The following NRXN1 variants were observed in gnomAD, a reference collection of about 807,000 sequenced individuals.
NRXN1 encodes the protein neurexin-1.
In NRXN1, 39 loss-of-function variants were observed where a neutral mutation model predicts 150.9. That is an observed-to-expected ratio of 0.26 (90% CI 0.20 to 0.34). NRXN1 has a LOEUF of 0.34. Among genes scored for constraint, NRXN1 ranks in the 10% least tolerant of loss-of-function variants. The probability of loss-of-function intolerance (pLI) is 1.00; values close to 1 mark genes in which losing one functional copy is unlikely to be tolerated. For synonymous variants in NRXN1, 924 were observed against 757.0 expected (o/e 1.22, Z -3.62); for missense variants, 1,815 against 1,949.9 (o/e 0.93, Z 1.30).
chr2:50,568,129 T>G (rs527344011), intron 8 of NRXN1, among the ~76,000 whole-genome samples: 1 of 152,262 alleles, frequency 6.6e-6, no homozygotes, highest in East Asian at 1.9e-4. Flanking sequence ...AAAGATCAAG[T>G]AATGTAGCCT....
intron 18 of NRXN1, among the ~76,000 whole-genome samples, chr2:50,231,768 G>A (rs1425022229): frequency 6.6e-6 from 1 of 152,004 alleles, no homozygotes; most frequent in African/African-American, 2.4e-5. Context: ...CTGTCAGAGA[G>A]GCATTAAGTA....
intron 17 of NRXN1, among the ~76,000 whole-genome samples, chr2:50,315,562 C>T (rs923229764): frequency 6.6e-6 from 1 of 152,104 alleles, no homozygotes; most frequent in African/African-American, 2.4e-5. Flanking sequence ...TCCCAGCCCA[C>T]ACGGTGATCC....
intron 5 of NRXN1, among the ~76,000 whole-genome samples, chr2:50,673,016 A>G (rs752500320): frequency 2.0e-5 from 3 of 152,062 alleles, no homozygotes; most frequent in Non-Finnish European, 4.4e-5. Context: ...ACTGGTATTT[A>G]TTTAACCTGA....
chr2:50,218,464 T>C (rs895201738), intron 18 of NRXN1, among the ~76,000 whole-genome samples: 1 of 151,546 alleles, frequency 6.6e-6, no homozygotes, highest in African/African-American at 2.4e-5. Context: ...GAGATTTGAA[T>C]GTGTTCTCCT....
chr2:50,236,705 G>T, intron 18 of NRXN1, 84 bp downstream of exon 18: 1 of 1,241,000 alleles, frequency 8.1e-7, no homozygotes, highest in Non-Finnish European at 1.2e-6. Flanking sequence ...GGGGAAGGAA[G>T]CATCCAAGAA....
intron 17 of NRXN1, among the ~76,000 whole-genome samples, chr2:50,393,210 C>T (rs979452695): frequency 6.6e-6 from 1 of 151,822 alleles, no homozygotes; most frequent in African/African-American, 2.4e-5. Flanking sequence ...GGATGTTTTC[C>T]TTCTTTGAAA....
intron 21 of NRXN1, among the ~76,000 whole-genome samples, chr2:50,001,700 T>A (rs1209280870): frequency 6.6e-6 from 1 of 152,106 alleles, no homozygotes; most frequent in Non-Finnish European, 1.5e-5. Context: ...GATTGGCACA[T>A]ACCAACTTCT....
intron 5 of NRXN1, among the ~76,000 whole-genome samples, chr2:50,689,854 T>TTGTGTGTGTGTGTG (rs796892350): frequency 2.2e-5 from 3 of 135,342 alleles, no homozygotes; most frequent in Non-Finnish European, 4.8e-5. Flanking sequence ...TTTTGCTTAT[T>TTGTGTGTGTGTGTG]TGTGTGTGTG....
At chr2:50,950,770 G>T (rs535240272) in intron 2 of NRXN1, among the ~76,000 whole-genome samples, 1 of 152,160 alleles carries the variant, frequency 6.6e-6, no homozygotes, top group African/African-American at 2.4e-5. Context: ...TAAGCGCTAG[G>T]GTCCATGCTA....
At chr2:50,258,261 G>C (rs2067910322) in intron 17 of NRXN1, among the ~76,000 whole-genome samples, 1 of 152,048 alleles carries the variant, frequency 6.6e-6, no homozygotes. Context: ...TTCAAAATTT[G>C]AGTCAATCCT....
At chr2:50,428,828 C>T (rs2084715067) in intron 17 of NRXN1, among the ~76,000 whole-genome samples, 2 of 152,292 alleles carry the variant, frequency 1.3e-5, no homozygotes, top group African/African-American at 2.4e-5. Context: ...AAGGTACTCT[C>T]ATGATTAAAT....
chr2:50,892,490 T>C (rs1053283555), intron 5 of NRXN1, among the ~76,000 whole-genome samples: 1 of 152,134 alleles, frequency 6.6e-6, no homozygotes, highest in Non-Finnish European at 1.5e-5. Flanking sequence ...ACTGGTGTAG[T>C]ATTTAATTGG....
chr2:50,669,859 A>C (rs1342877315), intron 5 of NRXN1, among the ~76,000 whole-genome samples: 4 of 140,938 alleles, frequency 2.8e-5, no homozygotes, highest in Non-Finnish European at 6.1e-5. Context: ...AAAAAAGATA[A>C]ATCCAAAAAC....
In NRXN1 at chr2:49,947,905, C is replaced by A. The variant is rs555447658; in HGVS notation, c.4129-4114G>T. 4.6e-5 allele frequency among the ~76,000 whole-genome samples: 7 copies of A among 151,992 alleles called. No homozygotes were observed. In the East Asian group the frequency reaches 1.4e-3, roughly 29 times the overall value. Reference sequence around the variant, plus strand: ...TTATTAAAACTTTCAATATTATTATCAACTTTTTTCAATATTTCATGAATG... The same window carrying A: ...TTATTAAAACTTTCAATATTATTATAAACTTTTTTCAATATTTCATGAATG... On this transcript the variant is annotated intron_variant, in intron 21 of 22. Transcript: ENST00000401669.
intron 2 of NRXN1, among the ~76,000 whole-genome samples, chr2:50,995,138 G>C (rs992195370): frequency 7.9e-5 from 12 of 151,886 alleles, no homozygotes; most frequent in African/African-American, 2.9e-4. Flanking sequence ...CATTGCTTTA[G>C]GGGCTGAGAA....
rs548502466 is a variant in NRXN1 at position 50,597,586 on chromosome 2, T to C, written c.1320+22436A>G. On this transcript the variant is annotated intron_variant, in intron 8 of 22. Coordinates refer to ENST00000401669, the MANE Select transcript of NRXN1 (RefSeq NM_001330078.2). ...CTCATTAAACTTCCCAGAATGAGCA[T>C]GGCATATCCAAATGTTCAACACCTC... is the stretch of plus-strand genomic sequence containing the variant. 9.2e-5 allele frequency among the ~76,000 whole-genome samples: 14 copies of C among 152,300 alleles called. No homozygotes were observed. In the South Asian group the frequency reaches 1.0e-3, roughly 11 times the overall value.
chr2:50,942,751 C>T (rs1689667896), intron 2 of NRXN1, among the ~76,000 whole-genome samples: 1 of 152,112 alleles, frequency 6.6e-6, no homozygotes, highest in Admixed American at 6.5e-5. Context: ...TTTACAGGCT[C>T]ACAGGAGGAA....
At chr2:50,956,969 A>G (rs2104648670) in intron 2 of NRXN1, among the ~76,000 whole-genome samples, 1 of 152,182 alleles carries the variant, frequency 6.6e-6, no homozygotes, top group Non-Finnish European at 1.5e-5. Context: ...TGACACTTTT[A>G]CCACACACAA....
intron 18 of NRXN1, among the ~76,000 whole-genome samples, chr2:50,226,238 C>A (rs1053008756): frequency 6.6e-6 from 1 of 151,918 alleles, no homozygotes; most frequent in African/African-American, 2.4e-5. Context: ...AAACTTAGAA[C>A]AGTTATGAGA....
Sources: gnomAD v4.1 joint callset for allele counts (sites outside exome capture counted in the v4.1 genomes callset) on GRCh38, gnomAD v4.1.1 for gene constraint, MANE v1.5 for transcripts, NCBI Gene and HGNC (gene_info 2026-07-23, HGNC 2026-07-21) for gene names.